NSMCE2: variants seen among roughly 807,000 people sequenced by gnomAD.
NSMCE2 encodes NSE2 SUMO ligase component of SMC5/6 complex, also known as E3 SUMO-protein ligase NSE2.
Under a neutral mutation model 23.8 loss-of-function variants are expected in NSMCE2, and 24 were observed. The observed-to-expected ratio is 1.01, with a 90% confidence interval of 0.73 to 1.42. NSMCE2 has a LOEUF of 1.42. NSMCE2 is among the 40% of genes most tolerant of loss of function. The pLI is 0.00. For synonymous variants in NSMCE2, 92 were observed against 94.1 expected (o/e 0.98, Z 0.13); for missense variants, 284 against 296.5 (o/e 0.96, Z 0.31).
rs913504025 is a variant in NSMCE2 at position 125,163,612 on chromosome 8, C to T, written c.264+12335C>T. On this transcript the variant is annotated intron_variant, in intron 4 of 7. Coordinates refer to ENST00000287437, the MANE Select transcript of NSMCE2 (RefSeq NM_173685.4). ...TTGTAGATAGGAATGTTTTGACTAC[C>T]CCCCTGCCCCACAAAATTGAAAGGT... Among the ~76,000 whole-genome samples the T allele has an allele frequency of 2.9e-4, 44 of 152,040 alleles. 1 individual carries two copies. The highest frequency in any genetic ancestry group is 2.1e-4 in the Non-Finnish European group (14 of 68,020).
chr8:125,239,050 A>G (rs1825663936), intron 5 of NSMCE2, among the ~76,000 whole-genome samples: 1 of 152,148 alleles, frequency 6.6e-6, no homozygotes. Context: ...CTTTGACAAA[A>G]TTTCCCACCC....
rs918284220 is a variant in NSMCE2 at position 125,234,065 on chromosome 8, C to T, written c.418+51809C>T. 5.3e-5 allele frequency among the ~76,000 whole-genome samples: 8 copies of T among 150,054 alleles called. 1 individual carries two copies. The highest frequency in any genetic ancestry group is 2.1e-4 in the South Asian group (1 of 4,756). ...AAAATTAGTCGGGTATGGTGTCAGG[C>T]GCCTGTAGTCCCAGCTACTCGAGAG... On this transcript the variant is annotated intron_variant, in intron 5 of 7. Coordinates refer to ENST00000287437, the MANE Select transcript of NSMCE2 (RefSeq NM_173685.4).
intron 5 of NSMCE2, among the ~76,000 whole-genome samples, chr8:125,313,043 C>A (rs1189818066): frequency 6.8e-6 from 1 of 146,438 alleles, no homozygotes; most frequent in Non-Finnish European, 1.5e-5. Context: ...CACCATGGCA[C>A]ATGTATACCT....
intron 3 of NSMCE2, among the ~76,000 whole-genome samples, chr8:125,110,968 CCT>C (rs753141425): frequency 7.4e-4 from 112 of 152,012 alleles, no homozygotes; most frequent in Non-Finnish European, 1.3e-3. Context: ...AAAAGAAACC[CCT>C]GTTTGGCTAA....
chr8:125,257,803 G>A (rs972174526), intron 5 of NSMCE2, among the ~76,000 whole-genome samples: 14 of 151,944 alleles, frequency 9.2e-5, no homozygotes, highest in Admixed American at 2.6e-4. Flanking sequence ...CAAAGTCCTG[G>A]GATTACAGGC....
At chr8:125,186,168 T>C (rs1049861678) in intron 5 of NSMCE2, among the ~76,000 whole-genome samples, 1 of 152,238 alleles carries the variant, frequency 6.6e-6, no homozygotes, top group Non-Finnish European at 1.5e-5. Context: ...GTGAAAATTA[T>C]ATGAAAATTC....
At chr8:125,336,023 C>A (rs993082912) in intron 5 of NSMCE2, among the ~76,000 whole-genome samples, 9 of 152,128 alleles carry the variant, frequency 5.9e-5, no homozygotes, top group African/African-American at 1.9e-4. Context: ...TAGGAGAGGA[C>A]AGATGTTATC....
chr8:125,238,426 T>C (rs1292481519), intron 5 of NSMCE2, among the ~76,000 whole-genome samples: 1 of 152,182 alleles, frequency 6.6e-6, no homozygotes, highest in African/African-American at 2.4e-5. Context: ...CAATAAATTA[T>C]TAACAGCAAT....
intron 4 of NSMCE2, among the ~76,000 whole-genome samples, chr8:125,167,782 G>A (rs1586552934): frequency 2.0e-5 from 3 of 151,000 alleles, no homozygotes; most frequent in Middle Eastern, 6.8e-3. Context: ...TTTTATTTTA[G>A]GAAACATGTT....
chr8:125,365,823 C>CCCCA (rs1563808713), intron 7 of NSMCE2, among the ~76,000 whole-genome samples: 1 of 152,108 alleles, frequency 6.6e-6, no homozygotes, highest in African/African-American at 2.4e-5. Context: ...CGCCACTGCA[C>CCCCA]CCCAGCCTGG....
Position 125,173,158 on chromosome 8 carries a change from A to G in NSMCE2, c.265-8945A>G, listed in dbSNP as rs564711633. Reference sequence around the variant, plus strand: ...TCCCTTTTTGTCCCTGTTCTGTGTCATGAGGAGTTCAGAATTGCTAGGTTG... The same window carrying G: ...TCCCTTTTTGTCCCTGTTCTGTGTCGTGAGGAGTTCAGAATTGCTAGGTTG... On this transcript the variant is annotated intron_variant, in intron 4 of 7. Transcript: ENST00000287437. Among the ~76,000 whole-genome samples, 85 of 152,280 alleles carry G rather than the reference A, an allele frequency of 5.6e-4. 1 individual carries two copies. Among genetic ancestry groups the G allele is most frequent in the South Asian group, 1.9e-3 (9 of 4,830 alleles).
In NSMCE2 at chr8:125,106,025, AAT is replaced by A. The variant is rs1215066465; in HGVS notation, c.157+3540_157+3541del. Among the ~76,000 whole-genome samples the A allele has an allele frequency of 1.9e-4, 27 of 143,430 alleles. No homozygotes were observed. In the South Asian group the frequency reaches 5.9e-3, roughly 31 times the overall value. The allele number at this position is 143,430 out of a possible 152,430, so 94.1% of individuals were successfully genotyped here. A position where few individuals can be genotyped will look rare whatever the true frequency, so the allele number is the denominator to read the frequency against. On this transcript the variant is annotated intron_variant, in intron 3 of 7. Transcript: ENST00000287437. The stretch of plus-strand genomic sequence containing the variant: ...TTCTTATGAACTCAATATGTATATG[AAT>A]ACATGCGTGTGTGTGTGCATACACA...
rs538027742 is a variant in NSMCE2, at chr8:125,353,074, G to A, written c.419-4145G>A. On this transcript the variant is annotated intron_variant, in intron 5 of 7. Coordinates refer to ENST00000287437, the MANE Select transcript of NSMCE2 (RefSeq NM_173685.4). ...TCAGCCTTCCCTAGTGGTAGGCATT[G>A]CATTTGAGTTGTGCTTTCTTACTTC... is the stretch of plus-strand genomic sequence containing the variant. 2.6e-5 allele frequency among the ~76,000 whole-genome samples: 4 copies of A among 152,238 alleles called. No homozygotes were observed. The South Asian group carries it at 8.3e-4, about 32-fold the overall frequency.
intron 5 of NSMCE2, among the ~76,000 whole-genome samples, chr8:125,200,414 AT>A (rs1437812023): frequency 6.6e-6 from 1 of 152,064 alleles, no homozygotes; most frequent in African/African-American, 2.4e-5. Flanking sequence ...AAAGGATTTT[AT>A]TTCTCCTTCA....
intron 5 of NSMCE2, among the ~76,000 whole-genome samples, chr8:125,222,894 C>G (rs1338153858): frequency 6.6e-6 from 1 of 151,836 alleles, no homozygotes; most frequent in Non-Finnish European, 1.5e-5. Context: ...AAAACCCTGT[C>G]CCTACAAAAG....
At chr8:125,164,644 A>G (rs930713958) in intron 4 of NSMCE2, among the ~76,000 whole-genome samples, 1 of 152,040 alleles carries the variant, frequency 6.6e-6, no homozygotes, top group Non-Finnish European at 1.5e-5. Context: ...AATAAGAAAA[A>G]CTTTTGAAGA....
chr8:125,205,608 C>G (rs1004721981), intron 5 of NSMCE2, among the ~76,000 whole-genome samples: 2 of 152,194 alleles, frequency 1.3e-5, no homozygotes, highest in Admixed American at 1.3e-4. Context: ...TAGAAAGTAT[C>G]TTACTCCATT....
chr8:125,160,443 T>C (rs570953777), intron 4 of NSMCE2, among the ~76,000 whole-genome samples: 2 of 152,268 alleles, frequency 1.3e-5, no homozygotes, highest in South Asian at 4.1e-4. Context: ...GAAGGGCCTC[T>C]TTCCTCGGAA....
At chr8:125,175,945 C>T (rs1822467012) in intron 4 of NSMCE2, among the ~76,000 whole-genome samples, 1 of 152,130 alleles carries the variant, frequency 6.6e-6, no homozygotes, top group Non-Finnish European at 1.5e-5. Context: ...TTTCCTGAAA[C>T]AACAAGCCTC....
Sources: allele counts gnomAD v4.1 joint callset (sites outside exome capture counted in the v4.1 genomes callset), GRCh38; gene constraint gnomAD v4.1.1; transcripts MANE v1.5; gene names NCBI Gene and HGNC (gene_info 2026-07-23, HGNC 2026-07-21).